Variants in PLCL2 observed in about 807,000 individuals in gnomAD.
PLCL2 encodes the protein phospholipase C like 2, also known as inactive phospholipase C-like protein 2.
Under a neutral mutation model 79.6 loss-of-function variants are expected in PLCL2, and 4 were observed. That is an observed-to-expected ratio of 0.05 (90% CI 0.02 to 0.11). The LOEUF (loss-of-function observed/expected upper bound fraction) is 0.11. Among genes scored for constraint, PLCL2 ranks in the 10% least tolerant of loss-of-function variants. The probability of loss-of-function intolerance (pLI) is 1.00; values close to 1 mark genes in which losing one functional copy is unlikely to be tolerated. For missense variants in PLCL2, 895 were observed against 1,291.0 expected (o/e 0.69, Z 4.70); for synonymous variants, 484 against 457.7 (o/e 1.06, Z -0.73).
chr3:16,983,153 C>G (rs1363581904), intron 1 of PLCL2, among the ~76,000 whole-genome samples: 2 of 152,186 alleles, frequency 1.3e-5, no homozygotes, highest in Non-Finnish European at 2.9e-5. Flanking sequence ...ACCTTGTACA[C>G]ATATTAAGCA....
intron 4 of PLCL2, among the ~76,000 whole-genome samples, chr3:17,063,324 TAGGATAG>T: frequency 9.9e-6 from 1 of 100,850 alleles, no homozygotes. Context: ...TCTTTTTTTT[TAGGATAG>T]ACAGTCTTAC....
At chr3:17,058,715 G>C (rs1231623156) in intron 4 of PLCL2, among the ~76,000 whole-genome samples, 1 of 152,104 alleles carries the variant, frequency 6.6e-6, no homozygotes, top group Non-Finnish European at 1.5e-5. Context: ...ACATAGAAGA[G>C]GGATCGCTGG....
chr3:16,937,446 T>C (rs917852573), intron 1 of PLCL2, among the ~76,000 whole-genome samples: 2 of 152,190 alleles, frequency 1.3e-5, no homozygotes, highest in African/African-American at 4.8e-5. Context: ...AATCATGGTA[T>C]TTCTATGGTG....
intron 5 of PLCL2, among the ~76,000 whole-genome samples, chr3:17,073,113 C>T (rs2065076227): frequency 6.6e-6 from 1 of 152,170 alleles, no homozygotes; most frequent in East Asian, 1.9e-4. Flanking sequence ...AACTTTGAGA[C>T]ATAATGTTTG....
At chr3:16,894,463 A>G (rs1338810538) in intron 1 of PLCL2, among the ~76,000 whole-genome samples, 1 of 152,214 alleles carries the variant, frequency 6.6e-6, no homozygotes, top group Non-Finnish European at 1.5e-5. Flanking sequence ...CAGTAGAATT[A>G]CTATATCATA....
At chr3:16,920,080 T>C (rs1176239816) in intron 1 of PLCL2, among the ~76,000 whole-genome samples, 1 of 152,214 alleles carries the variant, frequency 6.6e-6, no homozygotes, top group Non-Finnish European at 1.5e-5. Context: ...TGTGTGTTTT[T>C]ACACAAATTG....
intron 1 of PLCL2, among the ~76,000 whole-genome samples, chr3:16,960,656 C>G (rs966266016): frequency 1.9e-4 from 29 of 152,202 alleles, no homozygotes; most frequent in Admixed American, 1.9e-3. Context: ...ACCAAAATAT[C>G]TCTGAATCAA....
intron 3 of PLCL2, among the ~76,000 whole-genome samples, chr3:17,026,457 A>T (rs1353222701): frequency 6.6e-6 from 1 of 152,184 alleles, no homozygotes; most frequent in Non-Finnish European, 1.5e-5. Flanking sequence ...TTTAATTCAG[A>T]TATTTTCTTT....
Position 17,011,841 on chromosome 3 carries a change from T to G in PLCL2, c.2495T>G (p.Leu832Arg). Residue 832 changes from leucine (L) to arginine (R), a missense_variant, in exon 2 of 6, where the codon CTG becomes CGG. Physicochemically the swap from Leu to Arg is moderately radical, Grantham distance 102 (BLOSUM62 -2). Coordinates refer to ENST00000615277, the MANE Select transcript of PLCL2 (RefSeq NM_001144382.2). The surrounding 1 kb of genome is among the most constrained non-coding windows in gnomAD (Gnocchi z 7.9). ...CTGGCCATGGTGCGCTTTGTAGTGCTGGATGATGACTACATTGGGGATGAA... is the reference window on the plus strand; with the variant it reads ...CTGGCCATGGTGCGCTTTGTAGTGCGGGATGATGACTACATTGGGGATGAA... Reference protein sequence around the residue: ...PELAMVRFVVLDDDYIGDEFI... With the variant: ...PELAMVRFVVRDDDYIGDEFI... 1 of 1,614,264 alleles carries G rather than the reference T, an allele frequency of 6.2e-7. No individual in the cohort carries two copies. The highest frequency in any genetic ancestry group is 8.5e-7 in the Non-Finnish European group (1 of 1,180,034).
intron 4 of PLCL2, among the ~76,000 whole-genome samples, chr3:17,048,904 A>G (rs963235459): frequency 6.6e-6 from 1 of 152,220 alleles, no homozygotes; most frequent in Non-Finnish European, 1.5e-5. Context: ...CCCAAGAAGC[A>G]GAGAAGAGTC....
chr3:17,003,459 C>G (rs1232633993), intron 1 of PLCL2, among the ~76,000 whole-genome samples: 2 of 152,200 alleles, frequency 1.3e-5, no homozygotes, highest in African/African-American at 4.8e-5. Context: ...GCCCTCAGCT[C>G]TCACCTGTGA....
chr3:16,921,338 G>A (rs1052788358), intron 1 of PLCL2, among the ~76,000 whole-genome samples: 17 of 152,122 alleles, frequency 1.1e-4, no homozygotes, highest in Non-Finnish European at 2.1e-4. Flanking sequence ...TTTCAATATC[G>A]TGACCAAGGG....
At chr3:16,929,930 A>G (rs1697354059) in intron 1 of PLCL2, among the ~76,000 whole-genome samples, 1 of 152,192 alleles carries the variant, frequency 6.6e-6, no homozygotes, top group African/African-American at 2.4e-5. Flanking sequence ...TAAGGCCTGC[A>G]TGTTACTTCT....
intron 3 of PLCL2, among the ~76,000 whole-genome samples, chr3:17,038,105 C>A (rs1575599129): frequency 6.6e-6 from 1 of 152,190 alleles, no homozygotes; most frequent in African/African-American, 2.4e-5. Flanking sequence ...TCCTGCTTTT[C>A]ATCTGCTCAA....
At chr3:17,089,683 C>T (rs199858720) in intron 5 of PLCL2, 50 bp from the exon 6 acceptor site, 1 of 1,061,356 alleles carries the variant, frequency 9.4e-7, no homozygotes, top group Non-Finnish European at 1.4e-6. Context: ...TGAAGTATAA[C>T]ACTAAGTTAT....
intron 1 of PLCL2, among the ~76,000 whole-genome samples, chr3:16,985,697 C>T (rs903247644): frequency 1.3e-5 from 2 of 152,152 alleles, no homozygotes; most frequent in Non-Finnish European, 2.9e-5. Flanking sequence ...GAAAACTGTG[C>T]AGTTCCTAGG....
chr3:16,889,219 G>A (rs184744242), intron 1 of PLCL2, among the ~76,000 whole-genome samples: 1 of 152,274 alleles, frequency 6.6e-6, no homozygotes, highest in African/African-American at 2.4e-5. Context: ...GAGGAAATCA[G>A]AGTTCAGAGA....
intron 4 of PLCL2, among the ~76,000 whole-genome samples, chr3:17,064,420 C>A (rs940631506): frequency 5.9e-5 from 9 of 152,032 alleles, no homozygotes; most frequent in Non-Finnish European, 1.2e-4. Context: ...TCAGACAAAC[C>A]AAGATTAAAA....
At chr3:17,017,468 T>A (rs533124665) in intron 3 of PLCL2, among the ~76,000 whole-genome samples, 97 of 152,316 alleles carry the variant, frequency 6.4e-4, no homozygotes, top group African/African-American at 2.2e-3. Context: ...TCTTACCTTG[T>A]GACAATTTAT....
Sources: allele counts gnomAD v4.1 joint callset (sites outside exome capture counted in the v4.1 genomes callset), GRCh38; gene constraint gnomAD v4.1.1; non-coding constraint Gnocchi (gnomAD v3.1); transcripts MANE v1.5; gene names NCBI Gene and HGNC (gene_info 2026-07-23, HGNC 2026-07-21).